MAGI3: variants seen among roughly 807,000 people sequenced by gnomAD.
MAGI3 encodes the protein membrane-associated guanylate kinase, WW and PDZ domain-containing protein 3.
MAGI3 carries 43 observed loss-of-function variants against 121.8 expected under a neutral mutation model. That is an observed-to-expected ratio of 0.35 (90% CI 0.28 to 0.46). The LOEUF is 0.46. Among genes scored for constraint, MAGI3 ranks in the 20% least tolerant of loss-of-function variants. MAGI3 has a pLI of 1.00. For missense variants in MAGI3, 1,547 were observed against 1,797.3 expected (o/e 0.86, Z 2.52); for synonymous variants, 553 against 639.3 (o/e 0.86, Z 2.04).
intron 2 of MAGI3, among the ~76,000 whole-genome samples, chr1:113,557,575 C>T (rs1366699300): frequency 1.3e-5 from 2 of 152,222 alleles, no homozygotes; most frequent in Non-Finnish European, 2.9e-5. Context: ...TCCAATTTCT[C>T]CCTGGGACAG....
At chr1:113,541,164 G>A (rs1659274331) in intron 1 of MAGI3, among the ~76,000 whole-genome samples, 1 of 152,188 alleles carries the variant, frequency 6.6e-6, no homozygotes, top group African/African-American at 2.4e-5. Context: ...GAAACCAGCA[G>A]GCTTGACCTT....
intron 1 of MAGI3, among the ~76,000 whole-genome samples, chr1:113,472,711 C>T (rs1485873249): frequency 7.0e-6 from 1 of 142,648 alleles, no homozygotes; most frequent in East Asian, 2.1e-4. Context: ...ATGAGGCTTA[C>T]TGATATTGTG....
chr1:113,454,504 T>C (rs919347778), intron 1 of MAGI3, among the ~76,000 whole-genome samples: 2 of 152,194 alleles, frequency 1.3e-5, no homozygotes, highest in Non-Finnish European at 2.9e-5. Flanking sequence ...TTTATTTATT[T>C]ATTTTATTAT....
chr1:113,415,890 G>A (rs1652276046), intron 1 of MAGI3, among the ~76,000 whole-genome samples: 3 of 151,502 alleles, frequency 2.0e-5, no homozygotes, highest in Non-Finnish European at 2.9e-5. Flanking sequence ...TATAGTATTC[G>A]GTCTGATTAT....
rs1035582274 is a variant in MAGI3, at chr1:113,422,911, C to T, written c.316+31562C>T. ...TGTGGCTGCCTGGTGCGGTGGAGGG[C>T]GGGAGGGCTATAGTGTTACAGAAAC... On this transcript the variant is annotated intron_variant, in intron 1 of 20. Coordinates refer to ENST00000307546, the MANE Select transcript of MAGI3 (RefSeq NM_001142782.2). This position sits in a 1 kb window ranked among gnomAD's most constrained non-coding sequence, Gnocchi z 4.3. Among the ~76,000 whole-genome samples, 3 of 152,100 alleles carry T rather than the reference C, an allele frequency of 2.0e-5. No homozygotes were observed. The highest frequency in any genetic ancestry group is 4.4e-5 in the Non-Finnish European group (3 of 68,014).
intron 6 of MAGI3, among the ~76,000 whole-genome samples, chr1:113,597,844 A>G (rs1329883568): frequency 1.3e-5 from 2 of 152,230 alleles, no homozygotes; most frequent in Admixed American, 6.5e-5. Flanking sequence ...CAGCCCTACA[A>G]GATATGGTAA....
rs762976451 is a variant in MAGI3 at position 113,683,227 on chromosome 1, G to T, written c.3659G>T (p.Arg1220Ile). The part of the protein sequence containing the change: ...KVENGVTRRG[R>I]SVSPKKPASQ... ...GAAAATGGTGTTACACGAAGAGGTA[G>T]ATCGGTTAGTCCCAAAAAGCCAGCC... is the stretch of plus-strand genomic sequence containing the variant. The change falls in exon 21 of 21, where the codon AGA becomes ATA. Residue 1220 changes from arginine (R) to isoleucine (I), a missense_variant. Arg to Ile is a moderately conservative substitution (Grantham distance 97). Coordinates refer to ENST00000307546, the MANE Select transcript of MAGI3 (RefSeq NM_001142782.2). 1 of 1,613,772 alleles carries T rather than the reference G, an allele frequency of 6.2e-7. No individual in the cohort carries two copies. The highest frequency in any genetic ancestry group is 8.5e-7 in the Non-Finnish European group (1 of 1,179,886).
At chr1:113,660,529 A>G (rs947262413) in intron 16 of MAGI3, among the ~76,000 whole-genome samples, 1 of 151,826 alleles carries the variant, frequency 6.6e-6, no homozygotes, top group South Asian at 2.1e-4. Context: ...ACTGGACATC[A>G]TTCTTACATA....
At chr1:113,475,609 T>C (rs1262837889) in intron 1 of MAGI3, among the ~76,000 whole-genome samples, 2 of 152,218 alleles carry the variant, frequency 1.3e-5, no homozygotes, top group African/African-American at 4.8e-5. Flanking sequence ...ATAAGCTTTT[T>C]CATGTGCTGC....
chr1:113,446,145 A>G lies in MAGI3; in HGVS notation c.316+54796A>G, dbSNP rs1030016451. Among the ~76,000 whole-genome samples the G allele has an allele frequency of 5.9e-5, 9 of 152,176 alleles. No individual in the cohort carries two copies. The East Asian group carries it at 1.2e-3, about 20-fold the overall frequency. On this transcript the variant is annotated intron_variant, in intron 1 of 20. Coordinates refer to ENST00000307546, the MANE Select transcript of MAGI3 (RefSeq NM_001142782.2). ...TTGTAACTCCACATTTTTTTTCTAC[A>G]TAATTTAAGAAACTATCACATTTAA... is the stretch of plus-strand genomic sequence containing the variant.
At chr1:113,508,547 A>G (rs1010202484) in intron 1 of MAGI3, among the ~76,000 whole-genome samples, 3 of 152,214 alleles carry the variant, frequency 2.0e-5, no homozygotes, top group Non-Finnish European at 4.4e-5. Flanking sequence ...TAGTAAGCCA[A>G]GCTTGTTTCT....
chr1:113,551,175 A>C (rs1235884048), intron 2 of MAGI3, among the ~76,000 whole-genome samples: 1 of 152,120 alleles, frequency 6.6e-6, no homozygotes, highest in Non-Finnish European at 1.5e-5. Flanking sequence ...GAAACTCTCT[A>C]TATAGAATTA....
At chr1:113,638,262 G>A (rs1349349324) in intron 9 of MAGI3, among the ~76,000 whole-genome samples, 10 of 152,190 alleles carry the variant, frequency 6.6e-5, no homozygotes, top group East Asian at 1.9e-4. Context: ...GCTTTGTTCC[G>A]TTGCTGGTGA....
At chr1:113,575,222 G>C (rs1647549856) in intron 2 of MAGI3, among the ~76,000 whole-genome samples, 1 of 152,068 alleles carries the variant, frequency 6.6e-6, no homozygotes. Flanking sequence ...GTCCAGTTTT[G>C]TGCCCTTGTC....
intron 1 of MAGI3, among the ~76,000 whole-genome samples, chr1:113,516,845 A>G (rs1657933344): frequency 6.6e-6 from 1 of 152,006 alleles, no homozygotes; most frequent in Admixed American, 6.6e-5. Flanking sequence ...AATCATATTG[A>G]TAGTGTGTGT....
At chr1:113,626,288 C>T (rs764122997) in intron 9 of MAGI3, among the ~76,000 whole-genome samples, 1 of 152,176 alleles carries the variant, frequency 6.6e-6, no homozygotes, top group Non-Finnish European at 1.5e-5. Context: ...TATATTGTAC[C>T]ATCCTTGCAT....
intron 1 of MAGI3, among the ~76,000 whole-genome samples, chr1:113,437,804 CTT>C (rs1300581730): frequency 2.5e-4 from 34 of 137,040 alleles, no homozygotes; most frequent in Admixed American, 1.5e-4. Flanking sequence ...CTTCTTTCTT[CTT>C]TTCTTCTTCT....
chr1:113,669,323 G>C (rs575031874), intron 16 of MAGI3, among the ~76,000 whole-genome samples: 1 of 152,168 alleles, frequency 6.6e-6, no homozygotes, highest in Non-Finnish European at 1.5e-5. Flanking sequence ...TGCAATCAAG[G>C]AGTTCAGAGT....
chr1:113,661,662 A>T (rs978365282), intron 16 of MAGI3, among the ~76,000 whole-genome samples: 2 of 152,174 alleles, frequency 1.3e-5, no homozygotes, highest in Non-Finnish European at 2.9e-5. Flanking sequence ...TCCCTTTCAC[A>T]TTCTGGCCCA....
Sources: gnomAD v4.1 joint callset for allele counts (sites outside exome capture counted in the v4.1 genomes callset) on GRCh38, gnomAD v4.1.1 for gene constraint, Gnocchi (gnomAD v3.1) non-coding constraint, MANE v1.5 for transcripts, NCBI Gene and HGNC (gene_info 2026-07-23, HGNC 2026-07-21) for gene names.